Variants in VCAN observed in about 807,000 individuals in gnomAD.
VCAN encodes the protein versican.
VCAN carries 44 observed loss-of-function variants against 245.5 expected under a neutral mutation model. The observed-to-expected ratio is 0.18, with a 90% CI of 0.14 to 0.23. The LOEUF is 0.23. Ranked by LOEUF, VCAN falls within the 10% of genes least tolerant of loss-of-function variation. The probability of loss-of-function intolerance (pLI) is 1.00; values close to 1 mark genes in which losing one functional copy is unlikely to be tolerated. For synonymous variants in VCAN, 1,413 were observed against 1,437.0 expected, an observed-to-expected ratio of 0.98 and a Z score of 0.38; for missense variants, 3,793 against 4,057.9, an observed-to-expected ratio of 0.93 and a Z score of 1.77.
intron 2 of VCAN, 97 bp downstream of exon 2, chr5:83,483,685 A>T: frequency 8.6e-7 from 1 of 1,167,418 alleles, no homozygotes. Context: ...TAAAAGATTG[A>T]TTTTTAAAAT....
intron 5 of VCAN, among the ~76,000 whole-genome samples, chr5:83,503,118 T>G (rs1306311441): frequency 2.0e-5 from 3 of 152,188 alleles, no homozygotes; most frequent in Non-Finnish European, 2.9e-5. Context: ...AACCAATCCA[T>G]GTGCAGCTGA....
At chr5:83,484,034 A>G (rs1471155314) in intron 2 of VCAN, among the ~76,000 whole-genome samples, 1 of 152,230 alleles carries the variant, frequency 6.6e-6, no homozygotes, top group Admixed American at 6.5e-5. Context: ...TTAAAAAAGC[A>G]GTTGGATATG....
In VCAN at chr5:83,519,381, C is replaced by T; in HGVS notation, c.1075C>T (p.Leu359Phe). Reference protein sequence around the residue: ...KEATTIDLSILAETASPSLSK... With the variant: ...KEATTIDLSIFAETASPSLSK... ...GGCTACAACCATCGATTTGAGTATC[C>T]TCGCAGAAACTGCATCACCCAGTTT... is the stretch of plus-strand genomic sequence containing the variant. The change falls in exon 7 of 15, where the codon CTC becomes TTC. Residue 359 changes from leucine (L) to phenylalanine (F), a missense_variant. Transcript: ENST00000265077. The T allele has an allele frequency of 6.2e-7, 1 of 1,614,020 alleles. No individual in the cohort carries two copies. Among genetic ancestry groups the T allele is most frequent in the Non-Finnish European group, 8.5e-7 (1 of 1,179,902 alleles).
chr5:83,539,120 C>T lies in VCAN; in HGVS notation c.6117C>T (p.Ser2039=). The change falls in exon 8 of 15, where the codon TCC becomes TCT. Residue 2039 remains serine, a synonymous_variant. Coordinates refer to ENST00000265077, the MANE Select transcript of VCAN (RefSeq NM_004385.5). ...AVQKFSGTAS[S]IIDEGLGEVG... ...AAAAGTTTTCTGGTACAGCTTCCTC[C>T]ATTATCGACGAAGGATTGGGAGAAG... The T allele has an allele frequency of 6.2e-7, 1 of 1,613,948 alleles. No homozygotes were observed. The highest frequency in any genetic ancestry group is 8.5e-7 in the Non-Finnish European group (1 of 1,179,974).
chr5:83,501,821 A>G (rs1745336976), intron 5 of VCAN, among the ~76,000 whole-genome samples: 1 of 152,184 alleles, frequency 6.6e-6, no homozygotes, highest in South Asian at 2.1e-4. Flanking sequence ...CAATTTCTGC[A>G]AAGAAGCCAG....
At chr5:83,505,412 A>C (rs934470943) in intron 5 of VCAN, among the ~76,000 whole-genome samples, 2 of 152,222 alleles carry the variant, frequency 1.3e-5, no homozygotes, top group Non-Finnish European at 2.9e-5. Context: ...TACAGGGCCC[A>C]TGCAAGTCCA....
intron 1 of VCAN, among the ~76,000 whole-genome samples, chr5:83,475,609 A>G (rs576442462): frequency 3.9e-5 from 6 of 152,368 alleles, no homozygotes; most frequent in African/African-American, 1.4e-4. Flanking sequence ...AGAGCAGTAC[A>G]TCAGGGAGAA....
chr5:83,482,500 A>C (rs926662465), intron 1 of VCAN, among the ~76,000 whole-genome samples: 1 of 152,210 alleles, frequency 6.6e-6, no homozygotes, highest in African/African-American at 2.4e-5. Flanking sequence ...GAGGGTAGGC[A>C]CTAGAATGGA....
chr5:83,568,033 T>A (rs1165517013), intron 12 of VCAN, among the ~76,000 whole-genome samples: 3 of 152,220 alleles, frequency 2.0e-5, no homozygotes, highest in Non-Finnish European at 4.4e-5. Flanking sequence ...CAAGAAGATC[T>A]ATTACCTTCT....
At chr5:83,500,204 A>G (rs1414899055) in intron 5 of VCAN, among the ~76,000 whole-genome samples, 1 of 152,204 alleles carries the variant, frequency 6.6e-6, no homozygotes, top group African/African-American at 2.4e-5. Context: ...CTTGCACACT[A>G]TGATTCCGCC....
chr5:83,536,094 C>G (rs919649416), intron 7 of VCAN: 1 of 152,072 alleles, frequency 6.6e-6, no homozygotes, highest in African/African-American at 2.4e-5. Flanking sequence ...TGGTTGGTAC[C>G]ATATGGCAAT....
At chr5:83,536,116 G>A (rs1468132600) in intron 7 of VCAN, 1 of 152,110 alleles carries the variant, frequency 6.6e-6, no homozygotes, top group South Asian at 2.1e-4. Context: ...TACAATCTGG[G>A]AAATATTCTG....
At position 83,540,107 on chromosome 5, in the gene VCAN, A is replaced by T; in HGVS notation, c.7104A>T (p.Glu2368Asp). 1 of 1,613,992 alleles carries T rather than the reference A, an allele frequency of 6.2e-7. No homozygotes were observed. Among genetic ancestry groups the T allele is most frequent in the Non-Finnish European group, 8.5e-7 (1 of 1,179,984 alleles). ...ATCAGACTGTCAGGTGGGCAGAAGA[A>T]ATCCAGACTAGTAGACCACAAACCA... ...PQNQTVRWAE[E>D]IQTSRPQTIT... The change falls in exon 8 of 15, where the codon GAA becomes GAT. Residue 2368 changes from glutamate to aspartate, a missense_variant. Glu to Asp is a conservative substitution (Grantham distance 45, BLOSUM62 2). Around this residue, in one of 5 missense-constraint regions of VCAN, gnomAD observed 3,182 missense variants for 3,250.3 expected, o/e 0.98. Coordinates refer to ENST00000265077, the MANE Select transcript of VCAN (RefSeq NM_004385.5).
At chr5:83,485,465 T>A (rs1241462410) in intron 2 of VCAN, among the ~76,000 whole-genome samples, 1 of 152,100 alleles carries the variant, frequency 6.6e-6, no homozygotes, top group Non-Finnish European at 1.5e-5. Context: ...TTGAAGGGTT[T>A]CAGCAAAGAA....
At chr5:83,498,391 T>A (rs1360922024) in intron 5 of VCAN, among the ~76,000 whole-genome samples, 13 of 152,222 alleles carry the variant, frequency 8.5e-5, no homozygotes. Context: ...TAGTAGGTGC[T>A]CCATAGGTAG....
chr5:83,539,227 A>C lies in VCAN; in HGVS notation c.6224A>C (p.Lys2075Thr), dbSNP rs1043924454. 1 of 1,614,082 alleles carries C rather than the reference A, an allele frequency of 6.2e-7. No individual in the cohort carries two copies. The highest frequency in any genetic ancestry group is 1.3e-5 in the African/African-American group (1 of 75,064). ...EVEGTKAPVE[K>T]EEVKVSGTVS... The stretch of plus-strand genomic sequence containing the variant: ...GAAGGTACGAAAGCTCCAGTAGAGA[A>C]GGAGGAAGTAAAGGTCAGTGGCACA... The change falls in exon 8 of 15, where the codon AAG becomes ACG. Residue 2075 changes from lysine (K) to threonine (T), a missense_variant. Around this residue, in one of 5 missense-constraint regions of VCAN, gnomAD observed 3,182 missense variants for 3,250.3 expected, o/e 0.98. Transcript: ENST00000265077.
chr5:83,555,312 T>G lies in VCAN; in HGVS notation c.9735+274T>G, dbSNP rs188897709. Among the ~76,000 whole-genome samples, 4 of 152,350 alleles carry G rather than the reference T, an allele frequency of 2.6e-5. No homozygotes were observed. In the East Asian group the frequency reaches 7.7e-4, roughly 29 times the overall value. On this transcript the variant is annotated intron_variant, in intron 12 of 14. Coordinates refer to ENST00000265077, the MANE Select transcript of VCAN (RefSeq NM_004385.5). ...ACAATTAGTAGAATTGCCTTGGGTC[T>G]GTCTTTCAGATGGTTATCTTTGCTT...
chr5:83,506,692 G>A (rs1408888463), intron 5 of VCAN, among the ~76,000 whole-genome samples: 23 of 152,180 alleles, frequency 1.5e-4, no homozygotes, highest in Non-Finnish European at 1.5e-5. Flanking sequence ...ACACCCCACT[G>A]TACTGGTACC....
In VCAN at chr5:83,479,648, G is replaced by A. The variant is rs562838603; in HGVS notation, c.-6-3865G>A. On this transcript the variant is annotated intron_variant, in intron 1 of 14. Transcript: ENST00000265077. ...GGAAGAATGGAAATAGGGATTTGGA[G>A]TGGTGCTAAAAACAAAGAAAGAGGC... Among the ~76,000 whole-genome samples, 206 of 152,298 alleles carry A rather than the reference G, an allele frequency of 1.4e-3. 1 individual carries two copies. The highest frequency in any genetic ancestry group is 4.8e-3 in the African/African-American group (200 of 41,544).
Sources: allele counts gnomAD v4.1 joint callset (sites outside exome capture counted in the v4.1 genomes callset), GRCh38; gene constraint gnomAD v4.1.1; regional missense constraint gnomAD v4.1.1; transcripts MANE v1.5; gene names NCBI Gene and HGNC (gene_info 2026-07-23, HGNC 2026-07-21).